GALNT17: variants seen among roughly 807,000 people sequenced by gnomAD.
GALNT17 encodes the protein polypeptide N-acetylgalactosaminyltransferase 17.
GALNT17 carries 29 observed loss-of-function variants against 63.7 expected under a neutral mutation model. That is an observed-to-expected ratio of 0.46 (90% CI 0.34 to 0.62). The LOEUF (loss-of-function observed/expected upper bound fraction) is 0.62, where lower values mean the gene tolerates loss of function less well. Among genes scored for constraint, GALNT17 ranks in the 20% least tolerant of loss-of-function variants. The pLI is 0.01. For missense variants in GALNT17, 603 were observed against 799.6 expected, an observed-to-expected ratio of 0.75 and a Z score of 2.97; for synonymous variants, 305 against 318.3, an observed-to-expected ratio of 0.96 and a Z score of 0.45.
intron 2 of GALNT17, among the ~76,000 whole-genome samples, chr7:71,361,263 AAAAT>A (rs1182382278): frequency 6.6e-6 from 1 of 152,222 alleles, no homozygotes; most frequent in Non-Finnish European, 1.5e-5. Flanking sequence ...ATTGAAATAC[AAAAT>A]AAATAAAAAA....
intron 2 of GALNT17, among the ~76,000 whole-genome samples, chr7:71,377,122 T>TATAG (rs1792756365): frequency 1.1e-5 from 1 of 88,120 alleles, no homozygotes. Flanking sequence ...AAAATATATA[T>TATAG]ATATATATAT....
At chr7:71,236,203 A>T (rs1789887945) in intron 1 of GALNT17, among the ~76,000 whole-genome samples, 2 of 151,706 alleles carry the variant, frequency 1.3e-5, no homozygotes, top group Admixed American at 1.3e-4. Flanking sequence ...ATAAAAAAAA[A>T]AATAAAAATC....
At chr7:71,251,014 CTTAT>C (rs1451326117) in intron 1 of GALNT17, among the ~76,000 whole-genome samples, 4 of 152,158 alleles carry the variant, frequency 2.6e-5, no homozygotes, top group Non-Finnish European at 5.9e-5. Flanking sequence ...AACATGACTT[CTTAT>C]TTATTTATTT....
intron 1 of GALNT17, among the ~76,000 whole-genome samples, chr7:71,184,932 CT>C (rs1788807953): frequency 1.7e-5 from 2 of 116,476 alleles, no homozygotes; most frequent in African/African-American, 3.8e-5. Context: ...CCCTCCCTCC[CT>C]TCCTCACTTC....
chr7:71,397,017 A>C (rs138899348), intron 3 of GALNT17, among the ~76,000 whole-genome samples: 19 of 152,136 alleles, frequency 1.2e-4, no homozygotes, highest in African/African-American at 4.3e-4. Flanking sequence ...TTTTTTGTAG[A>C]TTCTATAGAG....
intron 1 of GALNT17, among the ~76,000 whole-genome samples, chr7:71,329,522 G>A (rs892924447): frequency 2.0e-5 from 3 of 152,036 alleles, no homozygotes; most frequent in Admixed American, 6.6e-5. Context: ...TGTAATTTAT[G>A]ACGAAAAGAG....
At chr7:71,411,741 G>T (rs1300317314) in intron 3 of GALNT17, among the ~76,000 whole-genome samples, 1 of 152,036 alleles carries the variant, frequency 6.6e-6, no homozygotes, top group Non-Finnish European at 1.5e-5. Context: ...TTTCTCACTG[G>T]TACTATCAGG....
intron 2 of GALNT17, among the ~76,000 whole-genome samples, chr7:71,366,246 C>T (rs989083733): frequency 2.0e-5 from 3 of 151,924 alleles, no homozygotes; most frequent in Non-Finnish European, 2.9e-5. Flanking sequence ...GGTATTGTTC[C>T]GAGGCCTAGG....
intron 1 of GALNT17, among the ~76,000 whole-genome samples, chr7:71,266,255 G>T (rs1005202681): frequency 1.2e-4 from 19 of 152,104 alleles, no homozygotes; most frequent in African/African-American, 4.6e-4. Flanking sequence ...ATATGGTTTG[G>T]CTCTGTGTCC....
chr7:71,169,313 A>G (rs935865058), intron 1 of GALNT17, among the ~76,000 whole-genome samples: 1 of 151,954 alleles, frequency 6.6e-6, no homozygotes, highest in African/African-American at 2.4e-5. Flanking sequence ...CTCTTTTCCT[A>G]CCGTGCATCC....
intron 6 of GALNT17, among the ~76,000 whole-genome samples, chr7:71,659,111 G>T (rs1200327944): frequency 6.6e-6 from 1 of 152,050 alleles, no homozygotes; most frequent in Non-Finnish European, 1.5e-5. Flanking sequence ...TTTTTAACAT[G>T]ACCTCCAGGT....
At chr7:71,362,817 A>G (rs1792429847) in intron 2 of GALNT17, among the ~76,000 whole-genome samples, 1 of 152,156 alleles carries the variant, frequency 6.6e-6, no homozygotes, top group South Asian at 2.1e-4. Flanking sequence ...CTACTGTTCA[A>G]AGGGCGACTC....
At chr7:71,154,116 C>A (rs1585842959) in intron 1 of GALNT17, among the ~76,000 whole-genome samples, 4 of 152,142 alleles carry the variant, frequency 2.6e-5, no homozygotes, top group Admixed American at 2.6e-4. Flanking sequence ...GGTGAGGGAG[C>A]CTCTGCCTGA....
intron 1 of GALNT17, among the ~76,000 whole-genome samples, chr7:71,135,091 A>G (rs1263190294): frequency 1.3e-5 from 2 of 152,028 alleles, no homozygotes; most frequent in African/African-American, 2.4e-5. Flanking sequence ...GCTTCAAGCA[A>G]TCCTCCTGCC....
chr7:71,161,251 C>A (rs1057052448), intron 1 of GALNT17, among the ~76,000 whole-genome samples: 3 of 152,116 alleles, frequency 2.0e-5, no homozygotes, highest in African/African-American at 4.8e-5. Flanking sequence ...ATTTAAAAAC[C>A]TTGTTAATTT....
chr7:71,404,681 G>A (rs1583923315), intron 3 of GALNT17, among the ~76,000 whole-genome samples: 1 of 152,238 alleles, frequency 6.6e-6, no homozygotes, highest in African/African-American at 2.4e-5. Flanking sequence ...CTGGGGTGGG[G>A]TGTGTGTGTA....
In GALNT17 at chr7:71,363,246, C is replaced by G. The variant is rs189116087; in HGVS notation, c.423-24989C>G. Among the ~76,000 whole-genome samples the G allele has an allele frequency of 3.9e-5, 6 of 152,254 alleles. No individual in the cohort carries two copies. In the East Asian group the frequency reaches 1.2e-3, roughly 29 times the overall value. ...CCTCCCAAAGTGCTGGGATTACAGTCGTGAGCCACTGCACCTGGCCACTTT... is the reference window on the plus strand; with the variant it reads ...CCTCCCAAAGTGCTGGGATTACAGTGGTGAGCCACTGCACCTGGCCACTTT... On this transcript the variant is annotated intron_variant, in intron 2 of 10. Transcript: ENST00000333538.
chr7:71,369,811 C>CAAAAAAAAAAA (rs763387719), intron 2 of GALNT17, among the ~76,000 whole-genome samples: 1 of 72,138 alleles, frequency 1.4e-5, no homozygotes, highest in Non-Finnish European at 2.9e-5. Context: ...GGCTTTTTGT[C>CAAAAAAAAAAA]AAAAAAAAAA....
chr7:71,316,180 C>T (rs78709508), intron 1 of GALNT17, among the ~76,000 whole-genome samples: 1,121 of 98,488 alleles, frequency 0.011, 21 homozygotes, highest in East Asian at 0.098. Flanking sequence ...CCTCGCAGGC[C>T]GCCTGGGGTC....
Sources: allele counts gnomAD v4.1 joint callset (sites outside exome capture counted in the v4.1 genomes callset), GRCh38; gene constraint gnomAD v4.1.1; transcripts MANE v1.5; gene names NCBI Gene and HGNC (gene_info 2026-07-23, HGNC 2026-07-21).